Variants in DAB1 observed in about 807,000 individuals in gnomAD.
The protein encoded by DAB1 is DAB adaptor protein 1.
A neutral mutation model predicts 64.6 loss-of-function variants in DAB1; 15 were observed. The observed-to-expected ratio is 0.23, with a 90% CI of 0.16 to 0.36. The LOEUF is 0.36. DAB1 is among the 10% of genes least tolerant of loss of function. The pLI is 1.00. For missense variants in DAB1, 596 were observed against 706.7 expected (o/e 0.84, Z 1.78); for synonymous variants, 235 against 251.9 (o/e 0.93, Z 0.64).
intron 7 of DAB1, among the ~76,000 whole-genome samples, chr1:57,588,269 C>G (rs1404498047): frequency 6.6e-6 from 1 of 152,212 alleles, no homozygotes; most frequent in Non-Finnish European, 1.5e-5. Context: ...CTCCCTTAGA[C>G]AGCACCCCCC....
At chr1:57,302,167 T>G (rs750158625) in intron 1 of DAB1, among the ~76,000 whole-genome samples, 9 of 151,806 alleles carry the variant, frequency 5.9e-5, no homozygotes, top group Non-Finnish European at 1.2e-4. Flanking sequence ...ATTTCCACAA[T>G]TATCTCCCTG....
intron 1 of DAB1, among the ~76,000 whole-genome samples, chr1:57,376,360 A>C (rs1680897463): frequency 6.6e-6 from 1 of 152,238 alleles, no homozygotes; most frequent in South Asian, 2.1e-4. Flanking sequence ...GTCACAGTTA[A>C]GCTGGTGCTG....
At chr1:57,151,465 A>G (rs1281712498) in intron 2 of DAB1, among the ~76,000 whole-genome samples, 1 of 152,150 alleles carries the variant, frequency 6.6e-6, no homozygotes, top group Non-Finnish European at 1.5e-5. Context: ...TGTAAAAACC[A>G]CAACAGCAAC....
intron 9 of DAB1, among the ~76,000 whole-genome samples, chr1:57,041,574 A>G (rs983359784): frequency 5.3e-5 from 8 of 152,166 alleles, no homozygotes; most frequent in African/African-American, 1.7e-4. Flanking sequence ...CTATCCTTGA[A>G]TTTTTCTTTG....
At chr1:58,107,266 T>C (rs1382601939) in intron 5 of DAB1, among the ~76,000 whole-genome samples, 1 of 149,630 alleles carries the variant, frequency 6.7e-6, no homozygotes, top group East Asian at 2.0e-4. Flanking sequence ...TGAGATCAGC[T>C]TGGCTAACAT....
intron 1 of DAB1, among the ~76,000 whole-genome samples, chr1:57,847,802 T>C (rs1305828431): frequency 6.6e-6 from 1 of 151,980 alleles, no homozygotes; most frequent in Non-Finnish European, 1.5e-5. Context: ...AAGACAAAAA[T>C]AGAATACTAT....
At chr1:57,501,182 G>T (rs912752545) in intron 7 of DAB1, among the ~76,000 whole-genome samples, 2 of 152,176 alleles carry the variant, frequency 1.3e-5, no homozygotes, top group Non-Finnish European at 2.9e-5. Context: ...GAGCCTAGAC[G>T]TCAAGAGGTC....
intron 6 of DAB1, among the ~76,000 whole-genome samples, chr1:57,696,267 C>A (rs1179451648): frequency 6.6e-6 from 1 of 152,142 alleles, no homozygotes; most frequent in Non-Finnish European, 1.5e-5. Flanking sequence ...CCCCGGGAAA[C>A]AGGCCTGAGA....
At chr1:57,278,628 T>C (rs1671656052) in intron 2 of DAB1, among the ~76,000 whole-genome samples, 1 of 152,140 alleles carries the variant, frequency 6.6e-6, no homozygotes, top group Non-Finnish European at 1.5e-5. Context: ...GAGCTATGTC[T>C]CAGAGGAGCA....
chr1:57,760,687 G>T (rs1649046346), intron 6 of DAB1, among the ~76,000 whole-genome samples: 1 of 151,296 alleles, frequency 6.6e-6, no homozygotes, highest in Non-Finnish European at 1.5e-5. Context: ...ACCAAAAAGG[G>T]GAGTCGGCAG....
intron 5 of DAB1, among the ~76,000 whole-genome samples, chr1:58,118,469 CATAT>C (rs370100684): frequency 0.014 from 315 of 22,026 alleles, 7 homozygotes; most frequent in Non-Finnish European, 0.017. Flanking sequence ...TATCCTAAGG[CATAT>C]ATATATATAT....
At chr1:57,871,860 C>A (rs1643955681) in intron 1 of DAB1, among the ~76,000 whole-genome samples, 1 of 152,072 alleles carries the variant, frequency 6.6e-6, no homozygotes, top group South Asian at 2.1e-4. Flanking sequence ...ACAGGAGTGA[C>A]AGCTCTCCTA....
chr1:58,496,527 A>T (rs1275376018), intron 3 of DAB1, among the ~76,000 whole-genome samples: 1 of 152,110 alleles, frequency 6.6e-6, no homozygotes, highest in African/African-American at 2.4e-5. Context: ...TGCTCTTTAA[A>T]GCTTATCTCA....
chr1:58,459,491 G>A (rs763918260), intron 3 of DAB1, among the ~76,000 whole-genome samples: 3 of 152,094 alleles, frequency 2.0e-5, no homozygotes, highest in South Asian at 2.1e-4. Flanking sequence ...CCACATGGGC[G>A]TCTACACAAG....
intron 5 of DAB1, among the ~76,000 whole-genome samples, chr1:57,978,008 C>T (rs954748156): frequency 6.6e-6 from 1 of 152,104 alleles, no homozygotes; most frequent in East Asian, 1.9e-4. Flanking sequence ...TTTATAGATT[C>T]AATGCCATCC....
intron 5 of DAB1, among the ~76,000 whole-genome samples, chr1:58,119,293 C>G (rs1002791303): frequency 6.6e-6 from 1 of 151,484 alleles, no homozygotes; most frequent in Non-Finnish European, 1.5e-5. Flanking sequence ...CTAAGCTGGC[C>G]TGAACTAATT....
chr1:58,367,888 C>T (rs552531247), intron 3 of DAB1, among the ~76,000 whole-genome samples: 49 of 152,272 alleles, frequency 3.2e-4, no homozygotes, highest in Non-Finnish European at 5.6e-4. Context: ...CTCTTTAAGG[C>T]ACAACTAAAG....
At chr1:58,170,116 A>C (rs529251182) in intron 4 of DAB1, among the ~76,000 whole-genome samples, 4 of 152,304 alleles carry the variant, frequency 2.6e-5, no homozygotes, top group Admixed American at 2.6e-4. Context: ...AAATGATAGA[A>C]TCACAGCCAA....
At chr1:57,738,041 C>T (rs1277502254) in intron 6 of DAB1, among the ~76,000 whole-genome samples, 1 of 152,170 alleles carries the variant, frequency 6.6e-6, no homozygotes, top group Non-Finnish European at 1.5e-5. Flanking sequence ...TACCTCACCT[C>T]CTTGCCTTGG....
Sources: gnomAD v4.1 joint callset for allele counts (sites outside exome capture counted in the v4.1 genomes callset) on GRCh38, gnomAD v4.1.1 for gene constraint, MANE v1.5 for transcripts, NCBI Gene and HGNC (gene_info 2026-07-23, HGNC 2026-07-21) for gene names.